The following ZNF385D variants were observed in gnomAD, a reference collection of about 807,000 sequenced individuals.
ZNF385D encodes the protein zinc finger protein 385D.
Under a neutral mutation model 35.8 loss-of-function variants are expected in ZNF385D, and 15 were observed. That is an observed-to-expected ratio of 0.42 (90% CI 0.28 to 0.64). The LOEUF (loss-of-function observed/expected upper bound fraction) is 0.64, where lower values mean the gene tolerates loss of function less well. Among genes scored for constraint, ZNF385D ranks in the 30% least tolerant of loss-of-function variants. The pLI is 0.23. For synonymous variants in ZNF385D, 212 were observed against 186.8 expected (o/e 1.13, Z -1.10); for missense variants, 474 against 494.6 (o/e 0.96, Z 0.39).
At chr3:21,568,416 A>C (rs1232121778) in intron 2 of ZNF385D, among the ~76,000 whole-genome samples, 1 of 152,196 alleles carries the variant, frequency 6.6e-6, no homozygotes, top group African/African-American at 2.4e-5. Flanking sequence ...TTTTATATAA[A>C]AAGAAAGTCA....
At chr3:22,247,785 A>G (rs564160089) in intron 2 of ZNF385D, among the ~76,000 whole-genome samples, 1 of 151,934 alleles carries the variant, frequency 6.6e-6, no homozygotes, top group Admixed American at 6.6e-5. Context: ...TTGTACTTTT[A>G]GTAGAGACGG....
At chr3:22,307,949 A>G (rs1359744424) in intron 2 of ZNF385D, among the ~76,000 whole-genome samples, 1 of 152,066 alleles carries the variant, frequency 6.6e-6, no homozygotes, top group Non-Finnish European at 1.5e-5. Context: ...AGTTAAAATT[A>G]CCCTTAATTT....
intron 3 of ZNF385D, among the ~76,000 whole-genome samples, chr3:22,112,241 C>T (rs1024958628): frequency 6.6e-6 from 1 of 152,042 alleles, no homozygotes; most frequent in Non-Finnish European, 1.5e-5. Context: ...TAAACCTCTC[C>T]TTTTTGCATG....
intron 4 of ZNF385D, among the ~76,000 whole-genome samples, chr3:21,499,646 G>GA (rs1189961872): frequency 0.029 from 3,952 of 135,664 alleles, 157 homozygotes; most frequent in African/African-American, 0.093. Context: ...TTTTTAATTT[G>GA]AAAAAAAAAA....
intron 1 of ZNF385D, among the ~76,000 whole-genome samples, chr3:21,683,934 A>T (rs1034476860): frequency 1.3e-5 from 2 of 150,218 alleles, no homozygotes; most frequent in Admixed American, 6.6e-5. Context: ...TCTTCATTTC[A>T]GCCCTATGAT....
chr3:21,570,620 A>AT (rs1267521831), intron 2 of ZNF385D, among the ~76,000 whole-genome samples: 1 of 152,170 alleles, frequency 6.6e-6, no homozygotes, highest in Non-Finnish European at 1.5e-5. Flanking sequence ...ATAACTTTAA[A>AT]GGTTACACTT....
intron 4 of ZNF385D, among the ~76,000 whole-genome samples, chr3:21,471,090 T>C (rs1703854890): frequency 6.6e-6 from 1 of 152,156 alleles, no homozygotes; most frequent in Non-Finnish European, 1.5e-5. Context: ...AATTTACATA[T>C]GAAAAGAAAG....
rs539719552 is a variant in ZNF385D, at chr3:21,979,180, C to A, written c.325+189637G>T. ...TAGAATAGTCTGGGCTGGGTCCAAA[C>A]ATTTGTAAAAAGGAGGATATGGGGG... On this transcript the variant is annotated intron_variant, in intron 3 of 5. Coordinates refer to the ZNF385D transcript ENST00000494108. 1.3e-4 allele frequency among the ~76,000 whole-genome samples: 20 copies of A among 152,042 alleles called. 1 individual carries two copies. The South Asian group carries it at 1.5e-3, about 11-fold the overall frequency.
chr3:22,143,473 T>C (rs1250921193), intron 3 of ZNF385D, among the ~76,000 whole-genome samples: 3 of 152,164 alleles, frequency 2.0e-5, no homozygotes, highest in African/African-American at 7.2e-5. Context: ...ACCTCTGTGC[T>C]CTCCAGAAGT....
chr3:22,261,253 G>A (rs973627056), intron 2 of ZNF385D, among the ~76,000 whole-genome samples: 5 of 151,928 alleles, frequency 3.3e-5, no homozygotes, highest in African/African-American at 1.2e-4. Context: ...AGTAGGAGGA[G>A]ACAGAGAACC....
At chr3:22,024,084 G>T (rs1415679732) in intron 3 of ZNF385D, among the ~76,000 whole-genome samples, 3 of 152,072 alleles carry the variant, frequency 2.0e-5, no homozygotes, top group African/African-American at 7.2e-5. Context: ...AACCTAATCA[G>T]CTGCCAGTGA....
chr3:22,224,512 C>G (rs895876118), intron 2 of ZNF385D, among the ~76,000 whole-genome samples: 2 of 152,056 alleles, frequency 1.3e-5, no homozygotes, highest in African/African-American at 4.8e-5. Flanking sequence ...GGTAGACAAC[C>G]CACAGTGTAT....
chr3:22,325,365 T>C (rs951726386), intron 2 of ZNF385D, among the ~76,000 whole-genome samples: 1 of 152,236 alleles, frequency 6.6e-6, no homozygotes, highest in African/African-American at 2.4e-5. Flanking sequence ...AACCCTGTAG[T>C]TGATCATTAG....
At chr3:22,359,278 G>T (rs921740540) in intron 2 of ZNF385D, among the ~76,000 whole-genome samples, 1 of 151,676 alleles carries the variant, frequency 6.6e-6, no homozygotes, top group Non-Finnish European at 1.5e-5. Context: ...GTATTATTAT[G>T]CTACATTCAA....
At chr3:21,457,356 GTT>G in intron 4 of ZNF385D, among the ~76,000 whole-genome samples, 1 of 151,926 alleles carries the variant, frequency 6.6e-6, no homozygotes, top group East Asian at 1.9e-4. Context: ...CGTTGTTGTT[GTT>G]GTTGTTGTTG....
chr3:22,367,961 G>C (rs113271349), intron 2 of ZNF385D, among the ~76,000 whole-genome samples: 1 of 152,098 alleles, frequency 6.6e-6, no homozygotes, highest in African/African-American at 2.4e-5. Context: ...GAATCAAGGC[G>C]CATCAAGATC....
intron 2 of ZNF385D, among the ~76,000 whole-genome samples, chr3:22,334,707 A>G (rs1475625102): frequency 6.6e-6 from 1 of 152,098 alleles, no homozygotes; most frequent in East Asian, 1.9e-4. Context: ...AGAAGTGGAC[A>G]TTTTACCCTA....
At chr3:21,536,129 A>C (rs549878071) in intron 3 of ZNF385D, among the ~76,000 whole-genome samples, 31 of 152,220 alleles carry the variant, frequency 2.0e-4, no homozygotes, top group South Asian at 4.2e-4. Flanking sequence ...TTGGAAAAAA[A>C]GTATATGTCT....
At chr3:21,686,614 C>G (rs1044546604) in intron 1 of ZNF385D, among the ~76,000 whole-genome samples, 1 of 152,146 alleles carries the variant, frequency 6.6e-6, no homozygotes, top group East Asian at 1.9e-4. Flanking sequence ...TTTTCATGTA[C>G]AAAGCCTTTG....
Sources: gnomAD v4.1 joint callset for allele counts (sites outside exome capture counted in the v4.1 genomes callset) on GRCh38, gnomAD v4.1.1 for gene constraint, MANE v1.5 for transcripts, NCBI Gene and HGNC (gene_info 2026-07-23, HGNC 2026-07-21) for gene names.